The following ZFHX3 variants were observed in gnomAD, a reference collection of about 807,000 sequenced individuals.
ZFHX3 encodes zinc finger homeobox 3, also known as zinc finger homeobox protein 3.
In ZFHX3, 42 loss-of-function variants were observed where a neutral mutation model predicts 279.1. That is an observed-to-expected ratio of 0.15 (90% CI 0.12 to 0.19). The LOEUF (loss-of-function observed/expected upper bound fraction) is 0.19. ZFHX3 is among the 10% of genes least tolerant of loss of function. The pLI is 1.00. For synonymous variants in ZFHX3, 2,293 were observed against 1,957.8 expected (o/e 1.17, Z -4.52); for missense variants, 4,981 against 4,754.0 (o/e 1.05, Z -1.40).
In ZFHX3 at chr16:72,959,807, G is replaced by C. The variant is rs62053191; in HGVS notation, c.339C>G (p.Ala113=). 4 of 1,595,790 alleles carry C rather than the reference G, an allele frequency of 2.5e-6. No homozygotes were observed. Among genetic ancestry groups the C allele is most frequent in the South Asian group, 2.3e-5 (2 of 88,334 alleles). Residue 113 remains alanine, a synonymous_variant, in exon 2 of 10, where the codon GCC becomes GCG. Transcript: ENST00000268489. Reference sequence around the variant, plus strand: ...CGTCCCCCTCCTCACCGGTGTCGCTGGCGCTCTCCTCTCTCAGGGGTGGCG... The same window carrying C: ...CGTCCCCCTCCTCACCGGTGTCGCTCGCGCTCTCCTCTCTCAGGGGTGGCG... The part of the protein sequence containing the change: ...RPPPPLREES[A]SDTGEEGDEE...
At chr16:73,591,210 G>A (rs1225598978) in intron 2 of ZFHX3, among the ~76,000 whole-genome samples, 3 of 151,818 alleles carry the variant, frequency 2.0e-5, no homozygotes, top group East Asian at 1.9e-4. Context: ...AAAATTTGCC[G>A]GGCATGGTGG....
At chr16:72,940,959 A>G (rs1960383484) in intron 3 of ZFHX3, among the ~76,000 whole-genome samples, 1 of 152,250 alleles carries the variant, frequency 6.6e-6, no homozygotes, top group African/African-American at 2.4e-5. Flanking sequence ...TATACACCAT[A>G]GGCACACAGG....
chr16:73,405,937 C>T (rs1323684501), intron 3 of ZFHX3, among the ~76,000 whole-genome samples: 1 of 152,150 alleles, frequency 6.6e-6, no homozygotes, highest in Non-Finnish European at 1.5e-5. Context: ...TTTTCTTGGC[C>T]CCAGGGAAGG....
At chr16:73,831,461 G>T (rs1308441197) in intron 1 of ZFHX3, among the ~76,000 whole-genome samples, 1 of 151,474 alleles carries the variant, frequency 6.6e-6, no homozygotes, top group Non-Finnish European at 1.5e-5. Context: ...ATGACAGCTG[G>T]AAGAGTGAGG....
rs74030119 is a variant in ZFHX3, at chr16:73,575,365, C to T, written c.-1547+104815G>A. Among the ~76,000 whole-genome samples the T allele has an allele frequency of 1.9e-3, 289 of 152,254 alleles. 4 individuals are homozygous for T. The highest frequency in any genetic ancestry group is 6.7e-3 in the African/African-American group (280 of 41,534). ...AGGACCTTTCACAATCTCCCTGTTC[C>T]GGGCACATGATGTTTTGTCCTTTGT... is the stretch of plus-strand genomic sequence containing the variant. On this transcript the variant is annotated intron_variant, in intron 2 of 17. Coordinates refer to the ZFHX3 transcript ENST00000641206.
chr16:73,070,402 A>G (rs1190347785), intron 8 of ZFHX3, among the ~76,000 whole-genome samples: 1 of 152,094 alleles, frequency 6.6e-6, no homozygotes, highest in African/African-American at 2.4e-5. Flanking sequence ...TTAGATTCAC[A>G]TTTGTCCCCA....
intron 7 of ZFHX3, among the ~76,000 whole-genome samples, chr16:72,808,787 A>G (rs1470850791): frequency 1.3e-5 from 2 of 152,252 alleles, no homozygotes; most frequent in Admixed American, 1.3e-4. Flanking sequence ...GACCAGTCCC[A>G]TGGACATATC....
chr16:73,750,455 G>A (rs1217220103), intron 1 of ZFHX3, among the ~76,000 whole-genome samples: 1 of 152,204 alleles, frequency 6.6e-6, no homozygotes, highest in East Asian at 1.9e-4. Flanking sequence ...AGCAGTGGAA[G>A]ACTGGCACAC....
At chr16:73,630,750 G>A (rs1050224331) in intron 2 of ZFHX3, among the ~76,000 whole-genome samples, 2 of 152,232 alleles carry the variant, frequency 1.3e-5, no homozygotes, top group Non-Finnish European at 2.9e-5. Context: ...GAAAAGTCCA[G>A]GTTAAGGGCA....
intron 2 of ZFHX3, among the ~76,000 whole-genome samples, chr16:73,567,390 T>A (rs1440775718): frequency 6.6e-6 from 1 of 152,218 alleles, no homozygotes; most frequent in Non-Finnish European, 1.5e-5. Flanking sequence ...CAAGTTCTCT[T>A]CCTCTGAACT....
chr16:73,635,490 G>A (rs1052347620), intron 2 of ZFHX3, among the ~76,000 whole-genome samples: 1 of 152,216 alleles, frequency 6.6e-6, no homozygotes, highest in African/African-American at 2.4e-5. Flanking sequence ...TGTGAGGGGA[G>A]CTGATGTCCT....
intron 1 of ZFHX3, among the ~76,000 whole-genome samples, chr16:73,856,421 C>A (rs1177452628): frequency 2.0e-5 from 3 of 152,300 alleles, no homozygotes; most frequent in African/African-American, 7.2e-5. Context: ...CTACTCCCCC[C>A]AACCCCCACC....
At chr16:73,518,556 C>T (rs1025098604) in intron 2 of ZFHX3, among the ~76,000 whole-genome samples, 3 of 152,146 alleles carry the variant, frequency 2.0e-5, no homozygotes, top group African/African-American at 7.2e-5. Context: ...AGCTCCTGGT[C>T]TGACAGGGGG....
At chr16:73,517,338 C>T (rs555332563) in intron 2 of ZFHX3, among the ~76,000 whole-genome samples, 1 of 152,324 alleles carries the variant, frequency 6.6e-6, no homozygotes, top group South Asian at 2.1e-4. Flanking sequence ...GCTCCCTCAA[C>T]AGACTTGGCC....
intron 1 of ZFHX3, among the ~76,000 whole-genome samples, chr16:73,730,566 C>G (rs1170506448): frequency 6.6e-6 from 1 of 152,074 alleles, no homozygotes; most frequent in African/African-American, 2.4e-5. Flanking sequence ...CATCTAAATT[C>G]CATATGGTTC....
intron 8 of ZFHX3, among the ~76,000 whole-genome samples, chr16:73,087,698 T>C (rs1240070459): frequency 6.6e-6 from 1 of 152,172 alleles, no homozygotes; most frequent in Admixed American, 6.5e-5. Context: ...TTGGGCTCTT[T>C]CCAGGAGTCA....
chr16:72,852,048 T>G (rs1006969121), intron 4 of ZFHX3, among the ~76,000 whole-genome samples: 1 of 152,152 alleles, frequency 6.6e-6, no homozygotes, highest in East Asian at 1.9e-4. Flanking sequence ...TTAAAACCAG[T>G]CCTGTTTGGA....
intron 1 of ZFHX3, among the ~76,000 whole-genome samples, chr16:73,768,098 C>T (rs2053973838): frequency 6.6e-6 from 1 of 152,164 alleles, no homozygotes; most frequent in Non-Finnish European, 1.5e-5. Context: ...GCTACCAACC[C>T]TTGGCCACTT....
At chr16:73,768,953 C>T (rs955151866) in intron 1 of ZFHX3, among the ~76,000 whole-genome samples, 4 of 152,138 alleles carry the variant, frequency 2.6e-5, no homozygotes, top group African/African-American at 9.7e-5. Context: ...TATGGGATGC[C>T]TAGTTAAGTT....
Sources: allele counts gnomAD v4.1 joint callset (sites outside exome capture counted in the v4.1 genomes callset), GRCh38; gene constraint gnomAD v4.1.1; transcripts MANE v1.5; gene names NCBI Gene and HGNC (gene_info 2026-07-23, HGNC 2026-07-21).